The following ABTB2 variants were observed in gnomAD, a reference collection of about 807,000 sequenced individuals.
The protein encoded by ABTB2 is ankyrin repeat and BTB/POZ domain-containing protein 2.
In ABTB2, 56 loss-of-function variants were observed where a neutral mutation model predicts 104.1. The observed-to-expected ratio is 0.54, with a 90% CI of 0.43 to 0.67. The LOEUF is 0.67. Among genes scored for constraint, ABTB2 ranks in the 30% least tolerant of loss-of-function variants. The pLI, the probability that ABTB2 is intolerant of heterozygous loss-of-function variation, is 0.00. For missense variants in ABTB2, 1,279 were observed against 1,407.7 expected (o/e 0.91, Z 1.46); for synonymous variants, 606 against 608.2 (o/e 1.00, Z 0.05).
Position 34,167,463 on chromosome 11 carries a change from T to C in ABTB2, c.1654-103A>G, listed in dbSNP as rs970116053. The stretch of plus-strand genomic sequence containing the variant: ...GTTAACAAGTGCTTTCTACATTCGA[T>C]TGATAATGTTTGCCTGGAGCACAAA... On this transcript the variant is annotated intron_variant, in intron 6 of 16. Coordinates refer to ENST00000435224, the MANE Select transcript of ABTB2 (RefSeq NM_145804.3). 6.6e-6 allele frequency: 6 copies of C among 914,286 alleles called. No individual in the cohort carries two copies. In the South Asian group the frequency reaches 8.9e-5, roughly 14 times the overall value. The allele number at this position is 914,286 out of a possible 1,614,324, so 56.6% of individuals were successfully genotyped here. A position where few individuals can be genotyped will look rare whatever the true frequency, so the allele number is the denominator to read the frequency against.
chr11:34,336,427 G>A lies in ABTB2; in HGVS notation c.883+20274C>T, dbSNP rs151132648. ...AGGCTGAGGCAGGAGGATTGCTTGA[G>A]GCCACAAGTTTGAGACTAGCCTGGC... On this transcript the variant is annotated intron_variant, in intron 1 of 16. Coordinates refer to ENST00000435224, the MANE Select transcript of ABTB2 (RefSeq NM_145804.3). Among the ~76,000 whole-genome samples, 11 of 152,234 alleles carry A rather than the reference G, an allele frequency of 7.2e-5. No individual in the cohort carries two copies. In the East Asian group the frequency reaches 1.7e-3, roughly 24 times the overall value.
At chr11:34,273,859 A>T (rs1040549434) in intron 1 of ABTB2, among the ~76,000 whole-genome samples, 4 of 152,176 alleles carry the variant, frequency 2.6e-5, no homozygotes, top group African/African-American at 9.7e-5. Flanking sequence ...TGCCTCAAAA[A>T]TAATGATATT....
intron 1 of ABTB2, among the ~76,000 whole-genome samples, chr11:34,287,025 T>G (rs920516713): frequency 1.3e-5 from 2 of 152,026 alleles, no homozygotes; most frequent in Non-Finnish European, 2.9e-5. Context: ...TGGTGGTGGT[T>G]GCACAAATGA....
In ABTB2 at chr11:34,196,216, G is replaced by A. The variant is rs900856316; in HGVS notation, c.1244+1109C>T. On this transcript the variant is annotated intron_variant, in intron 3 of 16. Coordinates refer to ENST00000435224, the MANE Select transcript of ABTB2 (RefSeq NM_145804.3). ...ATAAAAAAAATATTATATTTTCCAG[G>A]TAGAAAATTTCAAAAGGCAGCCCTC... is the stretch of plus-strand genomic sequence containing the variant. Among the ~76,000 whole-genome samples the A allele has an allele frequency of 6.6e-5, 10 of 152,170 alleles. No individual in the cohort carries two copies. The East Asian group carries it at 1.7e-3, about 26-fold the overall frequency.
chr11:34,335,484 A>G, intron 1 of ABTB2: 2 of 856,860 alleles, frequency 2.3e-6, no homozygotes, highest in African/African-American at 1.7e-5. Context: ...AGTCAGAATG[A>G]TTAATTTGCT....
intron 3 of ABTB2, among the ~76,000 whole-genome samples, chr11:34,185,846 C>T (rs899978432): frequency 1.3e-5 from 2 of 152,180 alleles, no homozygotes; most frequent in African/African-American, 4.8e-5. Context: ...CCATAAAGCA[C>T]TGATGAAGGT....
intron 1 of ABTB2, among the ~76,000 whole-genome samples, chr11:34,234,440 G>T (rs1853813884): frequency 6.6e-6 from 1 of 152,092 alleles, no homozygotes; most frequent in Admixed American, 6.6e-5. Flanking sequence ...GAGATTCCTG[G>T]GTTACTCTCA....
chr11:34,165,252 G>A lies in ABTB2; in HGVS notation c.1852+8C>T, dbSNP rs1852781654. The A allele has an allele frequency of 6.5e-6, 10 of 1,545,260 alleles. No individual in the cohort carries two copies. The highest frequency in any genetic ancestry group is 5.5e-5 in the African/African-American group (4 of 73,096). ...GGTAGACAGAGCCTCCGGGTAGCAGGTGCCTACCTGCCGCAGAGGCCAGCT... is the reference window on the plus strand; with the variant it reads ...GGTAGACAGAGCCTCCGGGTAGCAGATGCCTACCTGCCGCAGAGGCCAGCT... On this transcript the variant is annotated splice_region_variant and intron_variant, in intron 8 of 16. Coordinates refer to ENST00000435224, the MANE Select transcript of ABTB2 (RefSeq NM_145804.3).
At chr11:34,309,427 G>A (rs1359927418) in intron 1 of ABTB2, among the ~76,000 whole-genome samples, 1 of 152,156 alleles carries the variant, frequency 6.6e-6, no homozygotes, top group Admixed American at 6.5e-5. Context: ...ATGACACAAG[G>A]GTGCAGGTCA....
intron 1 of ABTB2, among the ~76,000 whole-genome samples, chr11:34,315,962 G>A (rs1195437775): frequency 4.6e-5 from 7 of 152,196 alleles, no homozygotes; most frequent in Non-Finnish European, 7.3e-5. Flanking sequence ...ACCAGTCATC[G>A]TCAAACTGCT....
intron 2 of ABTB2, among the ~76,000 whole-genome samples, chr11:34,202,889 A>G (rs1343935106): frequency 6.6e-6 from 1 of 152,212 alleles, no homozygotes; most frequent in Non-Finnish European, 1.5e-5. Context: ...AGTTGGTAGC[A>G]GTGGAGTTGG....
At chr11:34,344,698 G>A (rs936751991) in intron 1 of ABTB2, among the ~76,000 whole-genome samples, 14 of 152,238 alleles carry the variant, frequency 9.2e-5, no homozygotes, top group East Asian at 3.9e-4. Flanking sequence ...GGGTTTCACC[G>A]TGTTGCCCGG....
At chr11:34,188,692 A>G (rs1184039951) in intron 3 of ABTB2, among the ~76,000 whole-genome samples, 1 of 152,242 alleles carries the variant, frequency 6.6e-6, no homozygotes, top group East Asian at 1.9e-4. Context: ...TATTTAAGGA[A>G]CTCAGAAGTC....
intron 14 of ABTB2, among the ~76,000 whole-genome samples, chr11:34,155,449 T>G (rs750810625): frequency 6.6e-6 from 1 of 152,266 alleles, no homozygotes; most frequent in Non-Finnish European, 1.5e-5. Context: ...GATTTAGTTC[T>G]GCTGAGGTTT....
intron 2 of ABTB2, among the ~76,000 whole-genome samples, chr11:34,203,628 A>G (rs1272128095): frequency 1.3e-5 from 2 of 152,178 alleles, no homozygotes; most frequent in African/African-American, 4.8e-5. Flanking sequence ...TCCCAGCCCT[A>G]TTGCAGCTCT....
At chr11:34,333,250 T>C (rs893739266) in intron 1 of ABTB2, among the ~76,000 whole-genome samples, 5 of 152,168 alleles carry the variant, frequency 3.3e-5, no homozygotes, top group African/African-American at 1.2e-4. Context: ...TAACAAGGAA[T>C]GGCCATGAGG....
At chr11:34,297,264 G>C (rs1007498811) in intron 1 of ABTB2, among the ~76,000 whole-genome samples, 4 of 152,116 alleles carry the variant, frequency 2.6e-5, no homozygotes, top group Non-Finnish European at 5.9e-5. Context: ...TTTGTACCTA[G>C]AGCTTGCTCT....
intron 1 of ABTB2, chr11:34,335,868 A>C: frequency 9.4e-7 from 1 of 1,058,286 alleles, no homozygotes; most frequent in Non-Finnish European, 1.4e-6. Context: ...CTGGAGGTAG[A>C]GCGGCCACAT....
At chr11:34,275,054 C>T (rs1854368034) in intron 1 of ABTB2, among the ~76,000 whole-genome samples, 1 of 152,194 alleles carries the variant, frequency 6.6e-6, no homozygotes, top group African/African-American at 2.4e-5. Context: ...GCAAAGCTGC[C>T]TCGAGAGTCC....
Sources: gnomAD v4.1 joint callset for allele counts (sites outside exome capture counted in the v4.1 genomes callset) on GRCh38, gnomAD v4.1.1 for gene constraint, MANE v1.5 for transcripts, NCBI Gene and HGNC (gene_info 2026-07-23, HGNC 2026-07-21) for gene names.